Variants in FTCDNL1 observed in about 807,000 individuals in gnomAD.
The protein encoded by FTCDNL1 is formiminotransferase N-terminal subdomain-containing protein.
FTCDNL1 carries 11 observed loss-of-function variants against 5.9 expected under a neutral mutation model. The observed-to-expected ratio is 1.87, with a 90% CI of 1.18 to 3.10. The LOEUF (loss-of-function observed/expected upper bound fraction) is 3.10, where lower values mean the gene tolerates loss of function less well. FTCDNL1 is among the 30% of genes most tolerant of loss of function. FTCDNL1 has a pLI of 0.00. For missense variants in FTCDNL1, 115 were observed against 65.5 expected (o/e 1.76, Z -2.61); for synonymous variants, 58 against 24.8 (o/e 2.34, Z -3.99).
At chr2:199,695,732 G>A in the FTCDNL1 span, among the ~76,000 whole-genome samples, 1 of 152,208 alleles carries the variant, frequency 6.6e-6, no homozygotes, top group Non-Finnish European at 1.5e-5. Context: ...AGCTGGCAGG[G>A]AGAGCTGCTT....
chr2:199,704,596 C>G, the FTCDNL1 span, among the ~76,000 whole-genome samples: 2 of 152,094 alleles, frequency 1.3e-5, no homozygotes, highest in Non-Finnish European at 2.9e-5. Flanking sequence ...GGAAAAGTAA[C>G]TCTTCCAAGA....
At chr2:199,838,146 G>A (rs1424916191) in intron 3 of FTCDNL1, among the ~76,000 whole-genome samples, 1 of 152,138 alleles carries the variant, frequency 6.6e-6, no homozygotes, top group Non-Finnish European at 1.5e-5. Context: ...AGGAAGACGT[G>A]GAACACATAC....
intron 3 of FTCDNL1, among the ~76,000 whole-genome samples, chr2:199,837,841 T>TA (rs1346215215): frequency 6.6e-6 from 1 of 152,252 alleles, no homozygotes; most frequent in Non-Finnish European, 1.5e-5. Flanking sequence ...CCTTAGTTGA[T>TA]ACGGCATTGT....
intron 3 of FTCDNL1, among the ~76,000 whole-genome samples, chr2:199,767,050 C>T (rs961766419): frequency 3.9e-5 from 6 of 151,974 alleles, no homozygotes; most frequent in Admixed American, 6.6e-5. Context: ...AATAAAAAGA[C>T]CCCAATATAA....
chr2:199,680,746 C>T, the FTCDNL1 span, among the ~76,000 whole-genome samples: 577 of 152,264 alleles, frequency 3.8e-3, 2 homozygotes, highest in Non-Finnish European at 5.3e-3. Flanking sequence ...TTGAAGATGA[C>T]GCATAGCCTA....
the FTCDNL1 span, among the ~76,000 whole-genome samples, chr2:199,742,346 CCT>C: frequency 9.2e-5 from 14 of 152,124 alleles, no homozygotes; most frequent in Admixed American, 9.2e-4. Flanking sequence ...GGGGGGAATT[CCT>C]CTGTTTTCCC....
chr2:199,687,983 A>T, the FTCDNL1 span, among the ~76,000 whole-genome samples: 1 of 152,158 alleles, frequency 6.6e-6, no homozygotes, highest in East Asian at 1.9e-4. Flanking sequence ...GTGGTGGCTC[A>T]CGCCTGTAAT....
At chr2:199,788,576 G>C (rs1699770991) in intron 3 of FTCDNL1, among the ~76,000 whole-genome samples, 1 of 151,690 alleles carries the variant, frequency 6.6e-6, no homozygotes, top group South Asian at 2.1e-4. Flanking sequence ...TTTATTGTTT[G>C]CTATTACAAA....
chr2:199,828,006 C>G (rs1306959873), intron 3 of FTCDNL1, among the ~76,000 whole-genome samples: 1 of 152,060 alleles, frequency 6.6e-6, no homozygotes, highest in African/African-American at 2.4e-5. Flanking sequence ...AAGAGACAAC[C>G]AAGGCCAAAA....
chr2:199,770,805 C>T (rs1046799261), intron 3 of FTCDNL1, among the ~76,000 whole-genome samples: 1 of 152,184 alleles, frequency 6.6e-6, no homozygotes, highest in Non-Finnish European at 1.5e-5. Flanking sequence ...CAGCTACATG[C>T]TGAATAGAAA....
chr2:199,825,853 C>T (rs184173942), intron 3 of FTCDNL1, among the ~76,000 whole-genome samples: 49 of 152,316 alleles, frequency 3.2e-4, no homozygotes, highest in Non-Finnish European at 5.9e-4. Context: ...CTAACACAGG[C>T]AGTGAGCTAA....
chr2:199,675,395 A>T, the FTCDNL1 span, among the ~76,000 whole-genome samples: 1 of 152,184 alleles, frequency 6.6e-6, no homozygotes, highest in African/African-American at 2.4e-5. Context: ...AATATTCAAT[A>T]TGCTGTACTT....
chr2:199,813,531 T>C (rs1344886839), intron 4 of FTCDNL1, among the ~76,000 whole-genome samples: 1 of 152,184 alleles, frequency 6.6e-6, no homozygotes, highest in African/African-American at 2.4e-5. Flanking sequence ...AGCACTTTTA[T>C]ATCTAAAGAG....
At chr2:199,830,265 C>T (rs1363198456) in intron 3 of FTCDNL1, among the ~76,000 whole-genome samples, 2 of 152,038 alleles carry the variant, frequency 1.3e-5, no homozygotes, top group Non-Finnish European at 1.5e-5. Flanking sequence ...TTTGCCTAAA[C>T]TCATGCACAT....
chr2:199,671,193 A>G, the FTCDNL1 span, among the ~76,000 whole-genome samples: 1 of 151,308 alleles, frequency 6.6e-6, no homozygotes, highest in African/African-American at 2.4e-5. Flanking sequence ...GTAGCCTTCT[A>G]GGAGCTCACA....
At chr2:199,813,426 C>T (rs764307341) in intron 4 of FTCDNL1, among the ~76,000 whole-genome samples, 1 of 152,076 alleles carries the variant, frequency 6.6e-6, no homozygotes, top group Non-Finnish European at 1.5e-5. Context: ...TTAGGGGTGT[C>T]TTCAGAAGTT....
the FTCDNL1 span, among the ~76,000 whole-genome samples, chr2:199,679,102 T>A: frequency 2.6e-5 from 4 of 152,112 alleles, no homozygotes; most frequent in South Asian, 8.3e-4. Context: ...CTTTTCAAAT[T>A]CTTTGTTGAT....
intron 3 of FTCDNL1, among the ~76,000 whole-genome samples, chr2:199,822,439 A>G (rs986188972): frequency 6.6e-6 from 1 of 152,174 alleles, no homozygotes; most frequent in Non-Finnish European, 1.5e-5. Flanking sequence ...AAAAAATGCT[A>G]AGGCTTCAGC....
At chr2:199,666,957 G>A in the FTCDNL1 span, among the ~76,000 whole-genome samples, 1 of 151,638 alleles carries the variant, frequency 6.6e-6, no homozygotes. Context: ...GTGAAGTGGA[G>A]TTGCTTTTCC....
Sources: allele counts gnomAD v4.1 joint callset (sites outside exome capture counted in the v4.1 genomes callset), GRCh38; gene constraint gnomAD v4.1.1; transcripts MANE v1.5; gene names NCBI Gene and HGNC (gene_info 2026-07-23, HGNC 2026-07-21).